Variants in PAIP1 observed in about 807,000 individuals in gnomAD.
PAIP1 encodes the protein polyadenylate-binding protein-interacting protein 1.
Under a neutral mutation model 61.3 loss-of-function variants are expected in PAIP1, and 16 were observed. That is an observed-to-expected ratio of 0.26 (90% CI 0.18 to 0.40). PAIP1 has a LOEUF of 0.40. Among genes scored for constraint, PAIP1 ranks in the 10% least tolerant of loss-of-function variants. The pLI is 1.00. For missense variants in PAIP1, 416 were observed against 600.9 expected, an observed-to-expected ratio of 0.69 and a Z score of 3.22; for synonymous variants, 187 against 226.2, an observed-to-expected ratio of 0.83 and a Z score of 1.56.
At chr5:43,556,164 AG>A (rs1432055847) in intron 1 of PAIP1, 165 bp from the exon 2 acceptor site, 2 of 1,409,254 alleles carry the variant, frequency 1.4e-6, no homozygotes, top group Non-Finnish European at 1.8e-6. Flanking sequence ...GCCTACAAAA[AG>A]GAACAATAGA....
chr5:43,551,810 AAAG>A (rs1036136267), intron 2 of PAIP1, among the ~76,000 whole-genome samples: 24 of 151,434 alleles, frequency 1.6e-4, no homozygotes, highest in African/African-American at 5.6e-4. Flanking sequence ...CTGATCAGTA[AAAG>A]AAGAAAGTAG....
rs1032703598 is a variant in PAIP1, at chr5:43,556,753, G to A, written c.94C>T (p.Pro32Ser). Reference sequence around the variant, plus strand: ...CGCTCAGCAGGCCCCGCTCCGTTCGGGAAACCGCCGCCCTCAGGCCCGCCC... The same window carrying A: ...CGCTCAGCAGGCCCCGCTCCGTTCGAGAAACCGCCGCCCTCAGGCCCGCCC... ...GGGGPEGGGF[P>S]NGAGPAERAR... The change falls in exon 1 of 11, where the codon CCG becomes TCG. Residue 32 changes from proline to serine, a missense_variant. Around this residue, in one of 4 missense-constraint regions of PAIP1, gnomAD observed 97 missense variants for 89.5 expected, o/e 1.08. Coordinates refer to ENST00000306846, the MANE Select transcript of PAIP1 (RefSeq NM_006451.5). The A allele has an allele frequency of 4.9e-6, 7 of 1,414,582 alleles. No homozygotes were observed. The highest frequency in any genetic ancestry group is 3.0e-5 in the South Asian group (2 of 67,438). 87.6% of individuals were successfully genotyped at this position (1,414,582 alleles called of 1,614,324 possible).
intron 4 of PAIP1, among the ~76,000 whole-genome samples, chr5:43,541,050 A>G (rs1174623131): frequency 2.0e-5 from 3 of 151,140 alleles, no homozygotes; most frequent in African/African-American, 2.4e-5. Context: ...GTATGGTTAG[A>G]TATCTTTTTA....
intron 9 of PAIP1, among the ~76,000 whole-genome samples, chr5:43,531,670 A>AAAAAAAAAAAAAAAAAAGAG (rs1554039473): frequency 6.8e-6 from 1 of 147,614 alleles, no homozygotes; most frequent in Non-Finnish European, 1.5e-5. Flanking sequence ...AAAAAAAAAA[A>AAAAAAAAAAAAAAAAAAGAG]AAAAAAAGAG....
intron 8 of PAIP1, 142 bp downstream of exon 8, chr5:43,534,711 G>C: frequency 1.6e-6 from 1 of 608,494 alleles, no homozygotes; most frequent in East Asian, 2.8e-5. Flanking sequence ...TTTTTACCCA[G>C]TCTGATGGCT....
intron 2 of PAIP1, among the ~76,000 whole-genome samples, chr5:43,548,956 T>C (rs1747749291): frequency 6.6e-6 from 1 of 152,192 alleles, no homozygotes; most frequent in Non-Finnish European, 1.5e-5. Context: ...TCTTTTTTTT[T>C]CTTTGAGACA....
chr5:43,532,096 T>C (rs1422071554), intron 9 of PAIP1, among the ~76,000 whole-genome samples: 3 of 152,226 alleles, frequency 2.0e-5, no homozygotes, highest in South Asian at 2.1e-4. Flanking sequence ...TGAGATCTAC[T>C]GGCTGTCTAC....
At chr5:43,547,248 T>C (rs1199932189) in intron 3 of PAIP1, among the ~76,000 whole-genome samples, 1 of 152,104 alleles carries the variant, frequency 6.6e-6, no homozygotes, top group Non-Finnish European at 1.5e-5. Flanking sequence ...CTTTCTTTTT[T>C]TTAAAGACCT....
intron 4 of PAIP1, among the ~76,000 whole-genome samples, chr5:43,540,933 G>C (rs1471850964): frequency 6.6e-6 from 1 of 151,998 alleles, no homozygotes. Context: ...ACAGCCGGGG[G>C]TGAGAAGCAC....
intron 7 of PAIP1, 34 bp downstream of exon 7, chr5:43,535,500 A>T: frequency 8.8e-7 from 1 of 1,138,350 alleles, no homozygotes; most frequent in Non-Finnish European, 1.3e-6. Flanking sequence ...AGAAATTGAG[A>T]TGCACTGGCT....
rs370279693 is a variant in PAIP1, at chr5:43,543,102, T to C, written c.636A>G (p.Pro212=). Residue 212 remains proline (P), a synonymous_variant, in exon 4 of 11, where the codon CCA becomes CCG. Coordinates refer to ENST00000306846, the MANE Select transcript of PAIP1 (RefSeq NM_006451.5). The part of the protein sequence containing the change: ...ELIYQQATSI[P]NFSYMGARLC... The stretch of plus-strand genomic sequence containing the variant: ...GGCGAGCTCCCATATAAGAGAAATT[T>C]GGGATAGATGTGGCCTTTTAAAAAG... 3.8e-6 allele frequency: 6 copies of C among 1,594,034 alleles called. No homozygotes were observed. Among genetic ancestry groups the C allele is most frequent in the Non-Finnish European group, 5.2e-6 (6 of 1,162,388 alleles).
In PAIP1 at chr5:43,556,649, C is replaced by T. The variant is rs973367490; in HGVS notation, c.198G>A (p.Pro66=). 6 of 1,264,024 alleles carry T rather than the reference C, an allele frequency of 4.7e-6. No individual in the cohort carries two copies. The highest frequency in any genetic ancestry group is 6.0e-6 in the Non-Finnish European group (6 of 1,004,858). The allele number at this position is 1,264,024 out of a possible 1,614,324, so 78.3% of individuals were successfully genotyped here. A position where few individuals can be genotyped will look rare whatever the true frequency, so the allele number is the denominator to read the frequency against. ...PPPLRQPRTT[P]PPGAQCEVPA... ...GGACCTCGCACTGGGCCCCTGGCGG[C>T]GGGGTCGTCCTGGGCTGGCGCAGCG... The change falls in exon 1 of 11, where the codon CCG becomes CCA. Residue 66 remains proline (P), a synonymous_variant. Coordinates refer to ENST00000306846, the MANE Select transcript of PAIP1 (RefSeq NM_006451.5).
chr5:43,556,376 C>G (rs891485860), intron 1 of PAIP1: 18 of 1,234,768 alleles, frequency 1.5e-5, no homozygotes, highest in South Asian at 8.1e-5. Context: ...GCCCCTCCCC[C>G]CAGCCAGGCG....
chr5:43,545,385 T>C (rs1353940615), intron 3 of PAIP1, among the ~76,000 whole-genome samples: 1 of 152,258 alleles, frequency 6.6e-6, no homozygotes, highest in Non-Finnish European at 1.5e-5. Context: ...GCATAACTCC[T>C]CTTTTTGACA....
intron 5 of PAIP1, among the ~76,000 whole-genome samples, chr5:43,538,067 C>T (rs1369854971): frequency 6.6e-6 from 1 of 150,620 alleles, no homozygotes; most frequent in African/African-American, 2.4e-5. Context: ...GAATCCAGCA[C>T]TTCTATTGCC....
Position 43,543,107 on chromosome 5 carries a change from T to C in PAIP1, c.631A>G (p.Ile211Val), listed in dbSNP as rs774643854. Residue 211 changes from isoleucine (I) to valine (V), a missense_variant, in exon 4 of 11, where the codon ATC becomes GTC. By Grantham distance (29) the Ile-to-Val change is conservative. Coordinates refer to ENST00000306846, the MANE Select transcript of PAIP1 (RefSeq NM_006451.5). ...VELIYQQATS[I>V]PNFSYMGARL... ...GCTCCCATATAAGAGAAATTTGGGATAGATGTGGCCTTTTAAAAAGAAGAA... is the reference window on the plus strand; with the variant it reads ...GCTCCCATATAAGAGAAATTTGGGACAGATGTGGCCTTTTAAAAAGAAGAA... 6.3e-6 allele frequency: 10 copies of C among 1,580,524 alleles called. No homozygotes were observed. The highest frequency in any genetic ancestry group is 5.5e-5 in the South Asian group (5 of 90,260).
intron 10 of PAIP1, among the ~76,000 whole-genome samples, chr5:43,529,282 T>C (rs1746840093): frequency 6.6e-6 from 1 of 152,176 alleles, no homozygotes; most frequent in East Asian, 1.9e-4. Flanking sequence ...TATGCTTAAG[T>C]ATACTATATT....
intron 2 of PAIP1, among the ~76,000 whole-genome samples, chr5:43,555,608 G>A (rs1449757521): frequency 6.6e-6 from 1 of 152,200 alleles, no homozygotes; most frequent in Non-Finnish European, 1.5e-5. Flanking sequence ...CAAGAACACA[G>A]ATGTGTATCT....
Position 43,555,969 on chromosome 5 carries a change from C to G in PAIP1, c.296G>C (p.Ser99Thr), listed in dbSNP as rs776279823. 6.2e-6 allele frequency: 10 copies of G among 1,613,728 alleles called. No homozygotes were observed. In the South Asian group the frequency reaches 6.6e-5, roughly 11 times the overall value. The change falls in exon 2 of 11, where the codon AGT becomes ACT. Residue 99 changes from serine (S) to threonine (T), a missense_variant. Physicochemically the swap from Ser to Thr is moderately conservative, Grantham distance 58 (BLOSUM62 1). Coordinates refer to ENST00000306846, the MANE Select transcript of PAIP1 (RefSeq NM_006451.5). ...CTGCTGTGGGATTTTATCCTGTGAA[C>G]TAGGTGGAGCTCTCAGGGGCCTCGT... The part of the protein sequence containing the change: ...EQTRPLRAPP[S>T]SQDKIPQQNS...
Sources: gnomAD v4.1 joint callset for allele counts (sites outside exome capture counted in the v4.1 genomes callset) on GRCh38, gnomAD v4.1.1 for gene constraint, gnomAD v4.1.1 regional missense constraint, MANE v1.5 for transcripts, NCBI Gene and HGNC (gene_info 2026-07-23, HGNC 2026-07-21) for gene names.